PRSS12: variants seen among roughly 807,000 people sequenced by gnomAD.
The protein encoded by PRSS12 is neurotrypsin.
Under a neutral mutation model 104.4 loss-of-function variants are expected in PRSS12, and 85 were observed. That is an observed-to-expected ratio of 0.81 (90% CI 0.68 to 0.98). The LOEUF is 0.98. PRSS12 is among the 50% of genes least tolerant of loss of function. The probability of loss-of-function intolerance (pLI) is 0.00; values close to 1 mark genes in which losing one functional copy is unlikely to be tolerated. For synonymous variants in PRSS12, 454 were observed against 425.2 expected (o/e 1.07, Z -0.83); for missense variants, 1,141 against 1,139.2 (o/e 1.00, Z -0.02).
At position 118,335,619 on chromosome 4, in the gene PRSS12, G is replaced by GA; in HGVS notation, c.673dup (p.Ser225PhefsTer19). ...ATAAATGGGAATAAGGCCCAGTCCA[G>GA]AAAACGGGGTTTGTTTTGCTATTCC... On this transcript the variant is annotated frameshift_variant, in exon 3 of 13. Coordinates refer to ENST00000296498, the MANE Select transcript of PRSS12 (RefSeq NM_003619.4). LOFTEE classifies it high-confidence loss of function. 6.2e-7 allele frequency: 1 copy of GA among 1,614,012 alleles called. No homozygotes were observed. Among genetic ancestry groups the GA allele is most frequent in the Non-Finnish European group, 8.5e-7 (1 of 1,179,952 alleles).
chr4:118,342,301 G>T (rs1327875986), intron 1 of PRSS12, among the ~76,000 whole-genome samples: 3 of 152,146 alleles, frequency 2.0e-5, no homozygotes, highest in Non-Finnish European at 2.9e-5. Context: ...GAAATTCTTT[G>T]TTTGGCAAAT....
In PRSS12 at chr4:118,306,441, C is replaced by T. The variant is rs58192254; in HGVS notation, c.1631+1995G>A. ...ACAGGAAGCATGGGGCTGGCATCTG[C>T]TTGGCTTCTGCTGATGCCCAGGGAG... On this transcript the variant is annotated intron_variant, in intron 8 of 12. Transcript: ENST00000296498. Among the ~76,000 whole-genome samples, 1,303 of 152,296 alleles carry T rather than the reference C, an allele frequency of 8.6e-3. 18 individuals are homozygous for T. Among genetic ancestry groups the T allele is most frequent in the African/African-American group, 0.03 (1,235 of 41,572 alleles).
At chr4:118,285,936 T>C (rs1435482038) in intron 11 of PRSS12, among the ~76,000 whole-genome samples, 1 of 152,218 alleles carries the variant, frequency 6.6e-6, no homozygotes, top group Admixed American at 6.5e-5. Context: ...AAACTGGCTG[T>C]ATAAATCTAT....
At chr4:118,308,602 G>A in intron 7 of PRSS12, 25 bp from the exon 8 acceptor site, 2 of 1,527,724 alleles carry the variant, frequency 1.3e-6, no homozygotes, top group Non-Finnish European at 1.8e-6. Context: ...AAAAGTATTA[G>A]AACAGCCCAA....
chr4:118,308,792 T>C (rs540304609), intron 7 of PRSS12, among the ~76,000 whole-genome samples: 8 of 152,352 alleles, frequency 5.3e-5, no homozygotes, highest in African/African-American at 1.9e-4. Context: ...TTGCTCAACC[T>C]TGTATCCCCA....
chr4:118,322,724 A>C lies in PRSS12; in HGVS notation c.972-4168T>G, dbSNP rs144271983. Among the ~76,000 whole-genome samples the C allele has an allele frequency of 4.9e-3, 746 of 152,098 alleles. 11 individuals are homozygous for C. Among genetic ancestry groups the C allele is most frequent in the Middle Eastern group, 0.02 (6 of 294 alleles). On this transcript the variant is annotated intron_variant, in intron 4 of 12. Transcript: ENST00000296498. ...TGAAAATACTAATATTGGTTGAAAG[A>C]AGAAAACTGCTTGGAGTTGTGTGCC...
At chr4:118,328,994 A>G (rs957648288) in intron 4 of PRSS12, among the ~76,000 whole-genome samples, 1 of 152,118 alleles carries the variant, frequency 6.6e-6, no homozygotes, top group African/African-American at 2.4e-5. Context: ...GGGTTTCACC[A>G]TGTTGGGCAG....
intron 4 of PRSS12, among the ~76,000 whole-genome samples, chr4:118,329,655 A>G (rs1477976898): frequency 6.6e-6 from 1 of 152,238 alleles, no homozygotes; most frequent in East Asian, 1.9e-4. Flanking sequence ...GATGTTTAAC[A>G]ACATCTTTAA....
In PRSS12 at chr4:118,352,661, G is replaced by A. The variant is rs2126048307; in HGVS notation, c.60C>T (p.Gly20=). The change falls in exon 1 of 13, where the codon GGC becomes GGT. Residue 20 remains glycine (G), a synonymous_variant. Transcript: ENST00000296498. ...LMLGALPEVV[G]FDSVLNDSLH... ...GGGAATCATTGAGGACAGAATCAAAGCCGACCACTTCGGGGAGCGCCCCTA... is the reference window on the plus strand; with the variant it reads ...GGGAATCATTGAGGACAGAATCAAAACCGACCACTTCGGGGAGCGCCCCTA... 6.2e-7 allele frequency: 1 copy of A among 1,613,378 alleles called. No individual in the cohort carries two copies. Among genetic ancestry groups the A allele is most frequent in the Non-Finnish European group, 8.5e-7 (1 of 1,179,616 alleles).
At chr4:118,292,568 C>A (rs1223507670) in intron 11 of PRSS12, among the ~76,000 whole-genome samples, 2 of 152,218 alleles carry the variant, frequency 1.3e-5, no homozygotes, top group African/African-American at 4.8e-5. Flanking sequence ...TTGTTCTCCA[C>A]TATATCTCTA....
intron 9 of PRSS12, 79 bp downstream of exon 9, chr4:118,298,654 G>A: frequency 7.5e-7 from 1 of 1,330,352 alleles, no homozygotes. Flanking sequence ...CTAGATTTCT[G>A]TTATCAAAGT....
intron 5 of PRSS12, among the ~76,000 whole-genome samples, chr4:118,316,564 G>A (rs1382922838): frequency 2.6e-5 from 4 of 151,366 alleles, no homozygotes; most frequent in African/African-American, 9.7e-5. Flanking sequence ...GCTCACTCCT[G>A]TAATCCCAGC....
At chr4:118,326,466 T>C (rs371474532) in intron 4 of PRSS12, among the ~76,000 whole-genome samples, 1 of 152,166 alleles carries the variant, frequency 6.6e-6, no homozygotes, top group Non-Finnish European at 1.5e-5. Flanking sequence ...AACATTACAC[T>C]ACTACTAAAT....
chr4:118,349,148 A>G (rs537422369), intron 1 of PRSS12, among the ~76,000 whole-genome samples: 2 of 152,258 alleles, frequency 1.3e-5, no homozygotes, highest in East Asian at 1.9e-4. Flanking sequence ...ATTTTTCTCA[A>G]TGCAATGAAA....
In PRSS12 at chr4:118,287,158, T is replaced by C. The variant is rs1485410880; in HGVS notation, c.2040-4047A>G. 2.0e-5 allele frequency among the ~76,000 whole-genome samples: 3 copies of C among 152,294 alleles called. No individual in the cohort carries two copies. In the East Asian group the frequency reaches 5.8e-4, roughly 29 times the overall value. ...ACACACACACACATCTTTTTTTTCT[T>C]TTTTGAGACAAGGGTTCACTCTGTT... On this transcript the variant is annotated intron_variant, in intron 11 of 12. Coordinates refer to ENST00000296498, the MANE Select transcript of PRSS12 (RefSeq NM_003619.4).
intron 11 of PRSS12, among the ~76,000 whole-genome samples, chr4:118,285,776 T>C (rs1742999983): frequency 6.6e-6 from 1 of 152,218 alleles, no homozygotes; most frequent in African/African-American, 2.4e-5. Flanking sequence ...GTTAAATATA[T>C]TATTTAAAGT....
chr4:118,302,729 A>G (rs1262944611), intron 8 of PRSS12, among the ~76,000 whole-genome samples: 1 of 152,100 alleles, frequency 6.6e-6, no homozygotes, highest in East Asian at 1.9e-4. Context: ...GCCCAGCTGT[A>G]TTGTTAATCT....
intron 4 of PRSS12, among the ~76,000 whole-genome samples, chr4:118,327,205 AG>A (rs1048611332): frequency 2.0e-5 from 3 of 152,106 alleles, no homozygotes; most frequent in Non-Finnish European, 4.4e-5. Flanking sequence ...CCCACGCTGG[AG>A]TGCAGTGGTG....
At chr4:118,300,824 A>G (rs13145025) in intron 8 of PRSS12, among the ~76,000 whole-genome samples, 37,133 of 152,048 alleles carry the variant, frequency 0.24, 5,572 homozygotes, top group East Asian at 0.52. Flanking sequence ...TTAAAAAATA[A>G]GTAATCTGTT....
Sources: gnomAD v4.1 joint callset for allele counts (sites outside exome capture counted in the v4.1 genomes callset) on GRCh38, gnomAD v4.1.1 for gene constraint, MANE v1.5 for transcripts, NCBI Gene and HGNC (gene_info 2026-07-23, HGNC 2026-07-21) for gene names.